The following NCKAP5 variants were observed in gnomAD, a reference collection of about 807,000 sequenced individuals.
NCKAP5 encodes nck-associated protein 5.
NCKAP5 carries 92 observed loss-of-function variants against 167.0 expected under a neutral mutation model. The observed-to-expected ratio is 0.55, with a 90% CI of 0.47 to 0.66. NCKAP5 has a LOEUF of 0.66. NCKAP5 is among the 30% of genes least tolerant of loss of function. NCKAP5 has a pLI of 0.00. For missense variants in NCKAP5, 2,378 were observed against 2,315.0 expected (o/e 1.03, Z -0.56); for synonymous variants, 891 against 877.4 (o/e 1.02, Z -0.27).
Position 132,783,988 on chromosome 2 carries a change from G to C in NCKAP5, c.2823C>G (p.Ala941=). ...PPPGRSVSLL[A]RPSYDYSPAP... The stretch of plus-strand genomic sequence containing the variant: ...CTGGTGAATAGTCATAGCTGGGCCT[G>C]GCCAGCAGGGAGACGGACCTGCCTG... Residue 941 remains alanine (A), a synonymous_variant, in exon 14 of 20, where the codon GCC becomes GCG. Transcript: ENST00000409261. 6.3e-7 allele frequency: 1 copy of C among 1,593,928 alleles called. No homozygotes were observed. Among genetic ancestry groups the C allele is most frequent in the Non-Finnish European group, 8.5e-7 (1 of 1,172,182 alleles).
intron 8 of NCKAP5, among the ~76,000 whole-genome samples, chr2:132,881,454 C>T (rs1426808906): frequency 1.3e-5 from 2 of 152,054 alleles, no homozygotes; most frequent in African/African-American, 4.8e-5. Flanking sequence ...GGATTACAGA[C>T]ATGAGCCATT....
chr2:133,339,754 G>T (rs1683450992), intron 3 of NCKAP5, among the ~76,000 whole-genome samples: 1 of 152,142 alleles, frequency 6.6e-6, no homozygotes, highest in South Asian at 2.1e-4. Context: ...GTTAACTTTG[G>T]GGAAGAATAG....
At chr2:133,435,425 G>T (rs1690412678) in intron 3 of NCKAP5, among the ~76,000 whole-genome samples, 1 of 152,144 alleles carries the variant, frequency 6.6e-6, no homozygotes, top group African/African-American at 2.4e-5. Context: ...AGGTACCAAA[G>T]ATAATAGGAT....
intron 5 of NCKAP5, among the ~76,000 whole-genome samples, chr2:133,167,427 C>T (rs747340611): frequency 6.6e-5 from 10 of 152,148 alleles, no homozygotes; most frequent in African/African-American, 1.9e-4. Flanking sequence ...TAAAAGCTTA[C>T]GTTCACAAAG....
chr2:132,940,920 A>G (rs924270686), intron 8 of NCKAP5, among the ~76,000 whole-genome samples: 7 of 152,144 alleles, frequency 4.6e-5, no homozygotes, highest in African/African-American at 1.4e-4. Context: ...TTATACTGAT[A>G]CATATATTTA....
chr2:133,589,595 AC>A, the NCKAP5 span, among the ~76,000 whole-genome samples: 18 of 152,154 alleles, frequency 1.2e-4, no homozygotes, highest in African/African-American at 4.3e-4. Context: ...AGATGAGATC[AC>A]CAAGGAAGTC....
the NCKAP5 span, among the ~76,000 whole-genome samples, chr2:133,640,285 G>T: frequency 6.6e-6 from 1 of 152,142 alleles, no homozygotes; most frequent in African/African-American, 2.4e-5. Flanking sequence ...TAAATGAATG[G>T]ATATGAAAAA....
the NCKAP5 span, among the ~76,000 whole-genome samples, chr2:133,625,762 T>A: frequency 6.6e-6 from 1 of 151,052 alleles, no homozygotes; most frequent in Non-Finnish European, 1.5e-5. Flanking sequence ...TCCCAGCTAC[T>A]CCGGAGGCTG....
chr2:133,012,388 C>T (rs556149513), intron 6 of NCKAP5, among the ~76,000 whole-genome samples: 1 of 152,172 alleles, frequency 6.6e-6, no homozygotes, highest in Non-Finnish European at 1.5e-5. Context: ...GCTGGGACTA[C>T]AGGTGCACGC....
intron 3 of NCKAP5, among the ~76,000 whole-genome samples, chr2:133,445,592 A>T (rs78332687): frequency 6.6e-6 from 1 of 152,158 alleles, no homozygotes; most frequent in African/African-American, 2.4e-5. Context: ...AGAGGCTCCA[A>T]TGCAAATTGT....
chr2:133,012,978 A>G (rs1376928664), intron 6 of NCKAP5, among the ~76,000 whole-genome samples: 1 of 152,088 alleles, frequency 6.6e-6, no homozygotes, highest in East Asian at 1.9e-4. Context: ...CTTTCTTATG[A>G]AATCTGGTAC....
chr2:133,032,521 A>G lies in NCKAP5; in HGVS notation c.342-38282T>C, dbSNP rs369474328. On this transcript the variant is annotated intron_variant, in intron 6 of 19. Transcript: ENST00000409261. ...CCAGATGGCACTTATGGACCCACCT[A>G]GGGGCCTGGGGGACCTCACCACCCT... 6.6e-5 allele frequency among the ~76,000 whole-genome samples: 10 copies of G among 152,264 alleles called. No homozygotes were observed. The East Asian group carries it at 1.7e-3, about 27-fold the overall frequency.
chr2:132,981,492 T>C (rs972469429), intron 7 of NCKAP5, among the ~76,000 whole-genome samples: 2 of 152,226 alleles, frequency 1.3e-5, no homozygotes, highest in Admixed American at 1.3e-4. Flanking sequence ...AGGGTTATAA[T>C]TTGTAATTTG....
chr2:133,066,243 T>C (rs1183190354), intron 6 of NCKAP5, among the ~76,000 whole-genome samples: 1 of 152,256 alleles, frequency 6.6e-6, no homozygotes, highest in Non-Finnish European at 1.5e-5. Context: ...TATTTAAAAA[T>C]TATGATTCAT....
chr2:132,703,718 C>A (rs577539947), intron 19 of NCKAP5, among the ~76,000 whole-genome samples: 152 of 152,242 alleles, frequency 1.0e-3, no homozygotes, highest in African/African-American at 3.6e-3. Flanking sequence ...ATTCAACAAA[C>A]ATTTATAATG....
chr2:133,629,852 A>G, the NCKAP5 span, among the ~76,000 whole-genome samples: 2 of 152,336 alleles, frequency 1.3e-5, no homozygotes, highest in South Asian at 2.1e-4. Context: ...GCTGGAAGCC[A>G]TCATCCTCAG....
At chr2:132,752,877 A>C (rs75449398) in intron 16 of NCKAP5, among the ~76,000 whole-genome samples, 1,650 of 152,302 alleles carry the variant, frequency 0.011, 27 homozygotes, top group African/African-American at 0.037. Flanking sequence ...GTTTCAGTTC[A>C]AGCACAAAGA....
At chr2:132,912,287 A>G (rs566124897) in intron 8 of NCKAP5, among the ~76,000 whole-genome samples, 5 of 152,280 alleles carry the variant, frequency 3.3e-5, no homozygotes, top group East Asian at 3.9e-4. Flanking sequence ...AATGCATCCT[A>G]TCCTAGACTT....
At position 133,394,227 on chromosome 2, in the gene NCKAP5, C is replaced by T. The variant is rs566301081; in HGVS notation, c.70-91117G>A. 8.5e-5 allele frequency among the ~76,000 whole-genome samples: 13 copies of T among 152,300 alleles called. No homozygotes were observed. The South Asian group carries it at 2.5e-3, about 29-fold the overall frequency. On this transcript the variant is annotated intron_variant, in intron 3 of 19. Transcript: ENST00000409261. ...AGTCAGATGCTGTATTAGGTGCTAG[C>T]GAACTAAAAATAGTCCTTGCCCTTG...
Sources: gnomAD v4.1 joint callset for allele counts (sites outside exome capture counted in the v4.1 genomes callset) on GRCh38, gnomAD v4.1.1 for gene constraint, MANE v1.5 for transcripts, NCBI Gene and HGNC (gene_info 2026-07-23, HGNC 2026-07-21) for gene names.